MTUS2: variants seen among roughly 807,000 people sequenced by gnomAD.
The protein encoded by MTUS2 is microtubule associated scaffold protein 2.
In MTUS2, 40 loss-of-function variants were observed where a neutral mutation model predicts 114.1. The observed-to-expected ratio is 0.35, with a 90% CI of 0.27 to 0.46. The LOEUF (loss-of-function observed/expected upper bound fraction) is 0.46. Ranked by LOEUF, MTUS2 falls within the 20% of genes least tolerant of loss-of-function variation. MTUS2 has a pLI of 1.00. For missense variants in MTUS2, 1,679 were observed against 1,705.4 expected (o/e 0.98, Z 0.27); for synonymous variants, 688 against 672.0 (o/e 1.02, Z -0.37).
chr13:29,108,420 T>A (rs1363027798), intron 5 of MTUS2, among the ~76,000 whole-genome samples: 1 of 152,166 alleles, frequency 6.6e-6, no homozygotes, highest in Non-Finnish European at 1.5e-5. Flanking sequence ...AAACTGAAGG[T>A]TTGGGGAACA....
intron 7 of MTUS2, among the ~76,000 whole-genome samples, chr13:29,333,958 T>C (rs1900924680): frequency 6.6e-6 from 1 of 152,234 alleles, no homozygotes; most frequent in Non-Finnish European, 1.5e-5. Context: ...TCTTTGCCTT[T>C]TTTGATCTTT....
intron 6 of MTUS2, chr13:29,307,628 C>G: frequency 8.6e-7 from 1 of 1,166,692 alleles, no homozygotes; most frequent in African/African-American, 1.5e-5. Context: ...CTTGTCTCCT[C>G]TGACTTCAAC....
At position 28,987,407 on chromosome 13, in the gene MTUS2, G is replaced by A. The variant is rs569669984; in HGVS notation, c.-242-37050G>A. Among the ~76,000 whole-genome samples, 3 of 152,250 alleles carry A rather than the reference G, an allele frequency of 2.0e-5. No individual in the cohort carries two copies. In the South Asian group the frequency reaches 6.2e-4, roughly 32 times the overall value. On this transcript the variant is annotated intron_variant, in intron 2 of 15. Transcript: ENST00000612955. ...AGGGCTGTTTCAGCCTACTAGAGGGGGAGAAAGCTGGATATCACGGCTTTG... is the reference window on the plus strand; with the variant it reads ...AGGGCTGTTTCAGCCTACTAGAGGGAGAGAAAGCTGGATATCACGGCTTTG...
chr13:29,408,193 A>C (rs1011658491), intron 8 of MTUS2, among the ~76,000 whole-genome samples: 1 of 152,052 alleles, frequency 6.6e-6, no homozygotes, highest in Admixed American at 6.6e-5. Flanking sequence ...ATAATGTATC[A>C]TTATTTTTCT....
At chr13:29,260,001 A>G (rs553891570) in intron 5 of MTUS2, among the ~76,000 whole-genome samples, 74 of 152,390 alleles carry the variant, frequency 4.9e-4, no homozygotes, top group African/African-American at 1.7e-3. Context: ...CATGGAACCC[A>G]GTGACCACAC....
At chr13:29,081,190 C>G (rs1233986372) in intron 4 of MTUS2, among the ~76,000 whole-genome samples, 1 of 152,030 alleles carries the variant, frequency 6.6e-6, no homozygotes, top group Non-Finnish European at 1.5e-5. Flanking sequence ...TGTACATAAA[C>G]AGGAACTTGC....
chr13:28,890,683 A>T (rs1252209601), intron 2 of MTUS2, among the ~76,000 whole-genome samples: 1 of 152,214 alleles, frequency 6.6e-6, no homozygotes, highest in East Asian at 1.9e-4. Context: ...TTACAATTAG[A>T]TTTTATTAGT....
intron 5 of MTUS2, among the ~76,000 whole-genome samples, chr13:29,271,551 T>C (rs962407330): frequency 3.3e-5 from 5 of 152,246 alleles, no homozygotes; most frequent in African/African-American, 1.2e-4. Context: ...TGAGCTCTTC[T>C]TGTTCTTTCT....
intron 5 of MTUS2, among the ~76,000 whole-genome samples, chr13:29,167,477 G>A (rs1184295766): frequency 6.7e-6 from 1 of 149,034 alleles, no homozygotes; most frequent in Non-Finnish European, 1.5e-5. Flanking sequence ...AGTGGTTTAT[G>A]TAAGTTGAAT....
intron 2 of MTUS2, among the ~76,000 whole-genome samples, chr13:28,940,804 A>G (rs1882192081): frequency 6.6e-6 from 1 of 152,172 alleles, no homozygotes; most frequent in African/African-American, 2.4e-5. Context: ...TGAGAGACAC[A>G]TGGGACATGG....
At chr13:29,493,766 CAA>C in intron 12 of MTUS2, among the ~76,000 whole-genome samples, 1 of 152,312 alleles carries the variant, frequency 6.6e-6, no homozygotes, top group Admixed American at 6.5e-5. Flanking sequence ...TAAAGGAACA[CAA>C]ATCAGGAAAG....
At chr13:28,904,299 T>C (rs1879841258) in intron 2 of MTUS2, among the ~76,000 whole-genome samples, 1 of 152,142 alleles carries the variant, frequency 6.6e-6, no homozygotes, top group Non-Finnish European at 1.5e-5. Flanking sequence ...TGCCCTTGCT[T>C]TTGGTGTTTT....
At chr13:28,841,662 TTG>T (rs35199086) in intron 2 of MTUS2, among the ~76,000 whole-genome samples, 3 of 150,344 alleles carry the variant, frequency 2.0e-5, no homozygotes, top group East Asian at 1.9e-4. Flanking sequence ...AGTTAGTTCT[TTG>T]TGTGTGTGTG....
intron 9 of MTUS2, among the ~76,000 whole-genome samples, chr13:29,452,606 G>GTGTGTA (rs1555280542): frequency 5.3e-5 from 7 of 132,098 alleles, no homozygotes; most frequent in African/African-American, 2.0e-4. Flanking sequence ...GTGTGTGTGT[G>GTGTGTA]TATATATATA....
intron 4 of MTUS2, among the ~76,000 whole-genome samples, chr13:29,075,448 G>A (rs191979794): frequency 3.9e-4 from 59 of 152,254 alleles, no homozygotes; most frequent in African/African-American, 1.4e-3. Context: ...GCAGAAGTTT[G>A]GTTGTCTCAA....
chr13:28,938,859 A>C (rs1882069206), intron 2 of MTUS2, among the ~76,000 whole-genome samples: 1 of 152,210 alleles, frequency 6.6e-6, no homozygotes, highest in Non-Finnish European at 1.5e-5. Context: ...ATTTACTTTA[A>C]AATGAGAATC....
At chr13:28,844,128 C>G (rs1875700162) in intron 2 of MTUS2, among the ~76,000 whole-genome samples, 1 of 152,216 alleles carries the variant, frequency 6.6e-6, no homozygotes, top group Non-Finnish European at 1.5e-5. Context: ...TTTCTGCCCT[C>G]TCCTTGTAGA....
At chr13:29,004,746 C>T (rs1033246383) in intron 2 of MTUS2, among the ~76,000 whole-genome samples, 10 of 152,198 alleles carry the variant, frequency 6.6e-5, no homozygotes, top group African/African-American at 2.4e-4. Flanking sequence ...AACTGAGAAC[C>T]TGCCATGGGT....
chr13:28,981,834 G>A (rs915915409), intron 2 of MTUS2, among the ~76,000 whole-genome samples: 1 of 152,306 alleles, frequency 6.6e-6, no homozygotes, highest in South Asian at 2.1e-4. Flanking sequence ...AGATGCTAAG[G>A]TCAGGGGTTC....
Sources: gnomAD v4.1 joint callset for allele counts (sites outside exome capture counted in the v4.1 genomes callset) on GRCh38, gnomAD v4.1.1 for gene constraint, MANE v1.5 for transcripts, NCBI Gene and HGNC (gene_info 2026-07-23, HGNC 2026-07-21) for gene names.